Variants in UNC13C observed in about 807,000 individuals in gnomAD.
The protein encoded by UNC13C is protein unc-13 homolog C.
A neutral mutation model predicts 245.4 loss-of-function variants in UNC13C; 174 were observed. The ratio of observed to expected loss-of-function variants is 0.71; its 90% CI spans 0.63 to 0.80. The LOEUF is 0.80. Among genes scored for constraint, UNC13C ranks in the 30% least tolerant of loss-of-function variants. The pLI is 0.00. For synonymous variants in UNC13C, 992 were observed against 895.1 expected, an observed-to-expected ratio of 1.11 and a Z score of -1.93; for missense variants, 2,829 against 2,602.9, an observed-to-expected ratio of 1.09 and a Z score of -1.89.
At chr15:54,368,983 C>T (rs2039428131) in intron 17 of UNC13C, among the ~76,000 whole-genome samples, 1 of 151,960 alleles carries the variant, frequency 6.6e-6, no homozygotes, top group African/African-American at 2.4e-5. Flanking sequence ...TTTACCAAAG[C>T]TTGTTGGTAA....
the UNC13C span, among the ~76,000 whole-genome samples, chr15:53,879,142 G>A: frequency 1.3e-5 from 2 of 152,040 alleles, no homozygotes; most frequent in African/African-American, 2.4e-5. Flanking sequence ...AAATGGGTTC[G>A]ATATTAATTC....
intron 4 of UNC13C, among the ~76,000 whole-genome samples, chr15:54,220,458 AG>A (rs1420214515): frequency 1.4e-5 from 1 of 70,404 alleles, no homozygotes. Context: ...GGGTAGGGGG[AG>A]GGGGGAGGGA....
intron 2 of UNC13C, among the ~76,000 whole-genome samples, chr15:54,136,087 C>T (rs1020727944): frequency 2.0e-5 from 3 of 152,202 alleles, no homozygotes; most frequent in East Asian, 1.9e-4. Context: ...TCACCTCCTT[C>T]GTTAAATTTA....
chr15:54,323,942 G>A (rs543387000), intron 14 of UNC13C, among the ~76,000 whole-genome samples: 1 of 152,094 alleles, frequency 6.6e-6, no homozygotes, highest in Non-Finnish European at 1.5e-5. Context: ...CTACCTAGAG[G>A]AAAATTAGAT....
chr15:54,555,305 C>T, intron 28 of UNC13C, 127 bp from the exon 29 acceptor site: 3 of 668,150 alleles, frequency 4.5e-6, no homozygotes, highest in Non-Finnish European at 7.9e-6. Context: ...ATTTTAAATG[C>T]ATTCAGGTGC....
the UNC13C span, among the ~76,000 whole-genome samples, chr15:53,905,029 C>G: frequency 2.0e-5 from 3 of 152,058 alleles, no homozygotes; most frequent in South Asian, 6.2e-4. Context: ...CAGAAAATCA[C>G]AAGCAGATAT....
chr15:54,080,319 A>G (rs1265067795), intron 2 of UNC13C, among the ~76,000 whole-genome samples: 1 of 151,898 alleles, frequency 6.6e-6, no homozygotes, highest in African/African-American at 2.4e-5. Flanking sequence ...TGGTATCAGG[A>G]TGATACTGGC....
intron 10 of UNC13C, among the ~76,000 whole-genome samples, chr15:54,283,308 A>G (rs1274635122): frequency 1.3e-5 from 2 of 152,200 alleles, no homozygotes; most frequent in African/African-American, 2.4e-5. Context: ...TATATATCCA[A>G]TCATATATAT....
intron 1 of UNC13C, among the ~76,000 whole-genome samples, chr15:54,011,975 A>C (rs759244662): frequency 6.6e-6 from 1 of 152,204 alleles, no homozygotes; most frequent in Non-Finnish European, 1.5e-5. Flanking sequence ...AAGCCTTTTG[A>C]CTGTTACTAT....
chr15:54,586,762 G>A (rs1898511323), intron 30 of UNC13C, among the ~76,000 whole-genome samples: 1 of 152,186 alleles, frequency 6.6e-6, no homozygotes, highest in South Asian at 2.1e-4. Flanking sequence ...AATAATCAAG[G>A]AAATAAACAG....
At chr15:54,502,691 G>A (rs1489725788) in intron 22 of UNC13C, among the ~76,000 whole-genome samples, 1 of 152,062 alleles carries the variant, frequency 6.6e-6, no homozygotes, top group Non-Finnish European at 1.5e-5. Flanking sequence ...TAGGATGTAG[G>A]GGAAGCAGGC....
Position 54,371,577 on chromosome 15 carries a change from G to C in UNC13C, c.4714-21471G>C, listed in dbSNP as rs114372084. On this transcript the variant is annotated intron_variant, in intron 17 of 32. Coordinates refer to ENST00000260323, the MANE Select transcript of UNC13C (RefSeq NM_001080534.3). ...AAACTTTATTATAGAAAGTTTTAATGTGATATAATTAAAAGTTTTGCCATT... is the reference window on the plus strand; with the variant it reads ...AAACTTTATTATAGAAAGTTTTAATCTGATATAATTAAAAGTTTTGCCATT... Among the ~76,000 whole-genome samples, 1,314 of 152,244 alleles carry C rather than the reference G, an allele frequency of 8.6e-3. 25 individuals carry two copies. Among genetic ancestry groups the C allele is most frequent in the African/African-American group, 0.03 (1,244 of 41,544 alleles).
the UNC13C span, among the ~76,000 whole-genome samples, chr15:53,907,470 G>C: frequency 6.6e-6 from 1 of 152,176 alleles, no homozygotes; most frequent in Non-Finnish European, 1.5e-5. Context: ...TGATATAGCG[G>C]AGAAAGCCAG....
At chr15:54,585,728 G>C (rs543060483) in intron 30 of UNC13C, among the ~76,000 whole-genome samples, 5 of 152,146 alleles carry the variant, frequency 3.3e-5, no homozygotes, top group African/African-American at 1.2e-4. Context: ...TGAGATGCAC[G>C]TCTCAGGAAA....
intron 2 of UNC13C, among the ~76,000 whole-genome samples, chr15:54,056,191 C>T (rs190092588): frequency 6.6e-6 from 1 of 151,848 alleles, no homozygotes; most frequent in African/African-American, 2.4e-5. Flanking sequence ...GAACCAATGG[C>T]AAAGAAGTTA....
At chr15:54,632,683 C>G (rs900117923), downstream of UNC13C, 3 of 152,110 alleles carry the variant, frequency 2.0e-5, no homozygotes, top group African/African-American at 7.2e-5. Context: ...ATCAATTGAC[C>G]AAATGTGTGT....
At chr15:53,992,665 C>A (rs1445637278) in intron 1 of UNC13C, among the ~76,000 whole-genome samples, 1 of 152,040 alleles carries the variant, frequency 6.6e-6, no homozygotes. Context: ...GAGAATTCAA[C>A]CTTCTCTAGA....
At chr15:53,848,849 A>T in the UNC13C span, among the ~76,000 whole-genome samples, 1 of 151,676 alleles carries the variant, frequency 6.6e-6, no homozygotes, top group Non-Finnish European at 1.5e-5. Context: ...TTGTATTTTT[A>T]TATCTTCTTG....
chr15:53,961,481 G>T, the UNC13C span, among the ~76,000 whole-genome samples: 1 of 152,208 alleles, frequency 6.6e-6, no homozygotes, highest in Non-Finnish European at 1.5e-5. Flanking sequence ...GTGGGGCCTT[G>T]GATGCATGGT....
Sources: gnomAD v4.1 joint callset for allele counts (sites outside exome capture counted in the v4.1 genomes callset) on GRCh38, gnomAD v4.1.1 for gene constraint, MANE v1.5 for transcripts, NCBI Gene and HGNC (gene_info 2026-07-23, HGNC 2026-07-21) for gene names.